Variants in BNIP1 observed in about 807,000 individuals in gnomAD.
BNIP1 encodes BCL2 interacting protein 1, also known as vesicle transport protein SEC20.
In BNIP1, 25 loss-of-function variants were observed where a neutral mutation model predicts 28.5. The observed-to-expected ratio is 0.88, with a 90% CI of 0.64 to 1.23. The LOEUF (loss-of-function observed/expected upper bound fraction) is 1.23. Ranked by LOEUF, BNIP1 falls within the 50% of genes most tolerant of loss-of-function variation. BNIP1 has a pLI of 0.00. For missense variants in BNIP1, 276 were observed against 277.0 expected, an observed-to-expected ratio of 1.00 and a Z score of 0.02; for synonymous variants, 118 against 101.7, an observed-to-expected ratio of 1.16 and a Z score of -0.96.
chr5:173,154,615 C>A (rs1248957405), intron 3 of BNIP1, among the ~76,000 whole-genome samples: 2 of 151,994 alleles, frequency 1.3e-5, no homozygotes, highest in Non-Finnish European at 2.9e-5. Context: ...CTCTGCCTCC[C>A]GAGTTCAAGC....
intron 3 of BNIP1, 120 bp from the exon 4 acceptor site, chr5:173,158,624 C>T: frequency 4.3e-6 from 3 of 705,280 alleles, no homozygotes; most frequent in Non-Finnish European, 7.1e-6. Context: ...GGGATGGGCT[C>T]TGAAGGCCGT....
In BNIP1 at chr5:173,161,035, G is replaced by C. The variant is rs1027666622; in HGVS notation, c.490+984G>C. 17 of 351,150 alleles carry C rather than the reference G, an allele frequency of 4.8e-5. 1 individual carries two copies. The highest frequency in any genetic ancestry group is 3.4e-4 in the African/African-American group (16 of 46,734). The allele number at this position is 351,150 out of a possible 1,614,324, so 21.8% of individuals were successfully genotyped here. ...CACGTGGACAAAAGGAGAAAGCATG[G>C]TATCCTGAATCCCCTGAGCCCTGAG... On this transcript the variant is annotated intron_variant, in intron 5 of 5. Transcript: ENST00000351486.
intron 2 of BNIP1, among the ~76,000 whole-genome samples, chr5:173,153,377 G>A (rs1303476785): frequency 2.6e-5 from 4 of 151,784 alleles, no homozygotes; most frequent in Non-Finnish European, 5.9e-5. Context: ...ACAGGTGCCC[G>A]CCACCACGCC....
At chr5:173,148,074 AAAAAAAAAAATAT>A (rs1759893567) in intron 2 of BNIP1, among the ~76,000 whole-genome samples, 1 of 48,160 alleles carries the variant, frequency 2.1e-5, no homozygotes, top group Non-Finnish European at 3.6e-5. Context: ...AAAAAAAAAA[AAAAAAAAAAATAT>A]ATATATATAT....
intron 4 of BNIP1, 73 bp downstream of exon 4, chr5:173,158,918 T>G: frequency 8.7e-7 from 1 of 1,151,030 alleles, no homozygotes; most frequent in Non-Finnish European, 1.2e-6. Flanking sequence ...AAACCCCCTC[T>G]TGTTTTCAGC....
chr5:173,151,674 A>G (rs1737907900), intron 2 of BNIP1: 1 of 1,613,110 alleles, frequency 6.2e-7, no homozygotes, highest in Admixed American at 1.7e-5. Context: ...CAACTCTCCA[A>G]CTACACCTGT....
rs372089930 is a variant in BNIP1 at position 173,163,833 on chromosome 5, C to T, written c.599C>T (p.Thr200Met). The T allele has an allele frequency of 1.9e-6, 3 of 1,613,974 alleles. No homozygotes were observed. The highest frequency in any genetic ancestry group is 1.7e-5 in the Admixed American group (1 of 59,988). Residue 200 changes from threonine (T) to methionine (M), a missense_variant, in exon 6 of 6, where the codon ACG becomes ATG. Physicochemically the swap from Thr to Met is moderately conservative, Grantham distance 81. Transcript: ENST00000351486. Reference protein sequence around the residue: ...LITKYNRRELTDKLLIFLALA... With the variant: ...LITKYNRRELMDKLLIFLALA... ...ACAAAATACAATCGCCGGGAGCTGA[C>T]GGACAAGCTTCTCATCTTCCTTGCG...
Position 173,147,079 on chromosome 5 carries a change from G to A in BNIP1, c.177+121G>A, listed in dbSNP as rs561895726. The A allele has an allele frequency of 5.2e-6, 4 of 769,754 alleles. No homozygotes were observed. In the South Asian group the frequency reaches 6.6e-5, roughly 13 times the overall value. 47.7% of individuals were successfully genotyped at this position (769,754 alleles called of 1,614,324 possible). On this transcript the variant is annotated intron_variant, in intron 2 of 5. Transcript: ENST00000351486. ...AGCAGTAAACACTTAGACAGGGAGG[G>A]TGACTCTGTACTAACCTGCTCTCCA...
intron 3 of BNIP1, among the ~76,000 whole-genome samples, chr5:173,155,969 C>T (rs543824758): frequency 1.3e-5 from 2 of 152,160 alleles, no homozygotes; most frequent in Non-Finnish European, 2.9e-5. Flanking sequence ...TCTGCCAGAT[C>T]TGTATTTGTG....
rs773861667 is a variant in BNIP1 at position 173,154,433 on chromosome 5, G to T, written c.269+20G>T. The T allele has an allele frequency of 1.3e-6, 2 of 1,596,078 alleles. No individual in the cohort carries two copies. The highest frequency in any genetic ancestry group is 3.4e-5 in the Admixed American group (2 of 58,298). On this transcript the variant is annotated intron_variant, in intron 3 of 5. Coordinates refer to ENST00000351486, the MANE Select transcript of BNIP1 (RefSeq NM_001205.3). ...GCTCAGGTAGGCAGGGCCTGCCCCC[G>T]CCAGCGGCTTCTGCTGGCTCTTCTT...
chr5:173,161,049 C>T (rs1760348547), intron 5 of BNIP1: 3 of 339,808 alleles, frequency 8.8e-6, no homozygotes, highest in South Asian at 7.1e-5. Context: ...CCTGAATCCC[C>T]TGAGCCCTGA....
rs368441682 is a variant in BNIP1, at chr5:173,146,957, A to T, written c.176A>T (p.Gln59Leu). The change falls in exon 2 of 6, where the codon CAG becomes CTG. Residue 59 changes from glutamine (Q) to leucine (L), a missense_variant and splice_region_variant. Transcript: ENST00000351486. ...EKFQQLRHRI[Q>L]DLEQLAKEQD... Reference sequence around the variant, plus strand: ...TTTCAACAGTTGCGTCACAGAATACAGGTGGGTATTCTCAATTCAGTCAAT... The same window carrying T: ...TTTCAACAGTTGCGTCACAGAATACTGGTGGGTATTCTCAATTCAGTCAAT... The T allele has an allele frequency of 1.6e-5, 25 of 1,608,594 alleles. No individual in the cohort carries two copies. The highest frequency in any genetic ancestry group is 2.1e-5 in the Non-Finnish European group (25 of 1,175,024).
At position 173,158,792 on chromosome 5, in the gene BNIP1, C is replaced by A; in HGVS notation, c.318C>A (p.Ile106=). ...CTAATCTCACCTGCAAAATTGCAAT[C>A]GACAATCTAGAGAAAGCAGAACTTC... ...RKANLTCKIA[I]DNLEKAELLQ... is the part of the protein sequence containing the mutation. The change falls in exon 4 of 6, where the codon ATC becomes ATA. Residue 106 remains isoleucine (I), a synonymous_variant. Transcript: ENST00000351486. 1 of 1,614,004 alleles carries A rather than the reference C, an allele frequency of 6.2e-7. No individual in the cohort carries two copies. Among genetic ancestry groups the A allele is most frequent in the East Asian group, 2.2e-5 (1 of 44,872 alleles).
At chr5:173,150,846 G>T (rs5745126) in intron 2 of BNIP1, among the ~76,000 whole-genome samples, 20,599 of 148,882 alleles carry the variant, frequency 0.14, 1,770 homozygotes, top group Middle Eastern at 0.26. Flanking sequence ...TTGTTTTTTT[G>T]TTTTTTTTTA....
intron 4 of BNIP1, among the ~76,000 whole-genome samples, chr5:173,159,266 T>C (rs1760293851): frequency 6.6e-6 from 1 of 152,188 alleles, no homozygotes. Flanking sequence ...CTTGAACTCC[T>C]GACTTCTGGT....
rs768091546 is a variant in BNIP1 at position 173,160,030 on chromosome 5, G to A, written c.469G>A (p.Glu157Lys). The A allele has an allele frequency of 6.2e-6, 10 of 1,613,870 alleles. No individual in the cohort carries two copies. Among genetic ancestry groups the A allele is most frequent in the Admixed American group, 1.7e-5 (1 of 59,992 alleles). ...RMMAQQVQQS[E>K]EAMQSLVTSS... ...GATGGCCCAGCAGGTCCAGCAGAGC[G>A]AGGAGGCCATGCAGTCTCTAGGTAA... The change falls in exon 5 of 6, where the codon GAG becomes AAG. Residue 157 changes from glutamate to lysine, a missense_variant. Coordinates refer to ENST00000351486, the MANE Select transcript of BNIP1 (RefSeq NM_001205.3).
intron 5 of BNIP1, 44 bp downstream of exon 5, chr5:173,160,095 C>T: frequency 1.9e-6 from 3 of 1,568,918 alleles, no homozygotes; most frequent in South Asian, 2.3e-5. Context: ...AGAGACGCTG[C>T]TCTAGGGCCC....
intron 5 of BNIP1, among the ~76,000 whole-genome samples, chr5:173,162,083 C>G (rs1760378537): frequency 6.6e-6 from 1 of 152,096 alleles, no homozygotes; most frequent in African/African-American, 2.4e-5. Context: ...GTAACACATA[C>G]AGCATAGAGA....
chr5:173,155,570 C>G (rs942468815), intron 3 of BNIP1, among the ~76,000 whole-genome samples: 1 of 152,032 alleles, frequency 6.6e-6, no homozygotes, highest in African/African-American at 2.4e-5. Context: ...TGGTGGCACA[C>G]ACCTGTAATC....
Sources: gnomAD v4.1 joint callset for allele counts (sites outside exome capture counted in the v4.1 genomes callset) on GRCh38, gnomAD v4.1.1 for gene constraint, MANE v1.5 for transcripts, NCBI Gene and HGNC (gene_info 2026-07-23, HGNC 2026-07-21) for gene names.